The following DCTN4 variants were observed in gnomAD, a reference collection of about 807,000 sequenced individuals.
The protein encoded by DCTN4 is dynactin subunit 4.
In DCTN4, 23 loss-of-function variants were observed where a neutral mutation model predicts 62.7. The ratio of observed to expected loss-of-function variants is 0.37; its 90% CI spans 0.26 to 0.52. The LOEUF (loss-of-function observed/expected upper bound fraction) is 0.52, where lower values mean the gene tolerates loss of function less well. DCTN4 is among the 20% of genes least tolerant of loss of function. DCTN4 has a pLI of 0.92. For missense variants in DCTN4, 514 were observed against 580.4 expected (o/e 0.89, Z 1.18); for synonymous variants, 199 against 202.1 (o/e 0.98, Z 0.13).
intron 3 of DCTN4, 32 bp downstream of exon 3, chr5:150,753,447 C>T (rs761254007): frequency 6.2e-7 from 1 of 1,600,810 alleles, no homozygotes; most frequent in Admixed American, 1.7e-5. Flanking sequence ...GTCAATTGTA[C>T]AAAATTTCAT....
In DCTN4 at chr5:150,756,432, T is replaced by C; in HGVS notation, c.191A>G (p.Lys64Arg). The C allele has an allele frequency of 6.2e-7, 1 of 1,600,564 alleles. No individual in the cohort carries two copies. Residue 64 changes from lysine to arginine, a missense_variant, in exon 2 of 13, where the codon AAA (lysine) becomes AGA (arginine). Physicochemically the swap from Lys to Arg is conservative, Grantham distance 26. Coordinates refer to ENST00000447998, the MANE Select transcript of DCTN4 (RefSeq NM_016221.4). ...CLENMPSAEA[K>R]LKKNRCANCF... ...CAGGTCTTACCTATTCTTTTTTAGT[T>C]TGGCTTCAGCCGATGGCATATTTTC...
chr5:150,751,589 C>CTTA (rs761772684), intron 3 of DCTN4, among the ~76,000 whole-genome samples: 12 of 152,114 alleles, frequency 7.9e-5, no homozygotes, highest in Non-Finnish European at 1.3e-4. Context: ...CTTTCTTTAA[C>CTTA]TTATCTCCTA....
At chr5:150,714,702 G>A (rs986427474) in intron 12 of DCTN4, among the ~76,000 whole-genome samples, 1 of 152,114 alleles carries the variant, frequency 6.6e-6, no homozygotes, top group Non-Finnish European at 1.5e-5. Context: ...CCAGGAGGAA[G>A]TGGCAGTAAG....
chr5:150,721,011 G>A (rs1759939065), intron 9 of DCTN4, among the ~76,000 whole-genome samples: 1 of 152,080 alleles, frequency 6.6e-6, no homozygotes, highest in Non-Finnish European at 1.5e-5. Context: ...CATATTTTAT[G>A]GTGAGTTACA....
At chr5:150,747,511 G>A (rs1017286292) in intron 3 of DCTN4, among the ~76,000 whole-genome samples, 1 of 152,182 alleles carries the variant, frequency 6.6e-6, no homozygotes, top group Admixed American at 6.5e-5. Context: ...AACAAAGCTG[G>A]AGGCATCACA....
chr5:150,749,071 A>G (rs941265305), intron 3 of DCTN4, among the ~76,000 whole-genome samples: 2 of 152,172 alleles, frequency 1.3e-5, no homozygotes, highest in Admixed American at 1.3e-4. Flanking sequence ...ATAGGACACA[A>G]AAAACACAAA....
intron 3 of DCTN4, among the ~76,000 whole-genome samples, chr5:150,747,369 G>A (rs1752489911): frequency 1.3e-5 from 2 of 152,324 alleles, no homozygotes; most frequent in South Asian, 2.1e-4. Context: ...ACTGCCCAAG[G>A]TAATTGATAG....
chr5:150,741,975 T>C, intron 4 of DCTN4, 139 bp downstream of exon 4: 5 of 758,624 alleles, frequency 6.6e-6, no homozygotes, highest in South Asian at 1.5e-5. Flanking sequence ...TGTCTTACAA[T>C]GAGAAGCACT....
In DCTN4 at chr5:150,711,091, T is replaced by C; in HGVS notation, c.*58A>G. On this transcript the variant is annotated 3_prime_UTR_variant, in exon 13 of 13. Coordinates refer to ENST00000447998, the MANE Select transcript of DCTN4 (RefSeq NM_016221.4). ...GCCTAATGAAGCAGCAGCTTCCACA[T>C]TTTAACGCAGGTTTACGGTGATACT... The C allele has an allele frequency of 1.3e-6, 2 of 1,522,438 alleles. No individual in the cohort carries two copies. The highest frequency in any genetic ancestry group is 1.8e-6 in the Non-Finnish European group (2 of 1,101,704). The allele number at this position is 1,522,438 out of a possible 1,614,324, so 94.3% of individuals were successfully genotyped here. A position where few individuals can be genotyped will look rare whatever the true frequency, so the allele number is the denominator to read the frequency against.
At chr5:150,718,513 G>T in intron 10 of DCTN4, 130 bp from the exon 11 acceptor site, 1 of 632,158 alleles carries the variant, frequency 1.6e-6, no homozygotes, top group South Asian at 1.9e-5. Context: ...CTACATCACT[G>T]TATTCTCTAT....
In DCTN4 at chr5:150,709,287, A is replaced by G. The variant is rs1759478618; in HGVS notation, c.*1862T>C. 6.6e-6 allele frequency: 1 copy of G among 152,396 alleles called. No individual in the cohort carries two copies. Among genetic ancestry groups the G allele is most frequent in the Non-Finnish European group, 1.5e-5 (1 of 68,034 alleles). 9.4% of individuals were successfully genotyped at this position (152,396 alleles called of 1,614,324 possible). ...TGGGAATGATGAGACCCATACTTCA[A>G]CATTATTACTTTGGGGAATAAATAC... On this transcript the variant is annotated 3_prime_UTR_variant, in exon 13 of 13. Coordinates refer to ENST00000447998, the MANE Select transcript of DCTN4 (RefSeq NM_016221.4).
At chr5:150,712,985 A>G (rs1247223275) in intron 12 of DCTN4, among the ~76,000 whole-genome samples, 4 of 152,222 alleles carry the variant, frequency 2.6e-5, no homozygotes, top group African/African-American at 4.8e-5. Context: ...CTGAAATCTG[A>G]TATCTCAGAC....
Position 150,753,559 on chromosome 5 carries a change from G to A in DCTN4, c.305C>T (p.Thr102Ile), listed in dbSNP as rs149465775. ...TQLPDDPAKT[T>I]MKKAYYLACG... ...TGCCAGGTAATAGGCTTTCTTCATG[G>A]TGGTCTTGGCTGGGTCATCTGGAAG... Residue 102 changes from threonine to isoleucine, a missense_variant, in exon 3 of 13, where the codon ACC (threonine) becomes ATC (isoleucine). By Grantham distance (89) the Thr-to-Ile change is moderately conservative. Transcript: ENST00000447998. 5 of 1,614,054 alleles carry A rather than the reference G, an allele frequency of 3.1e-6. No homozygotes were observed. The highest frequency in any genetic ancestry group is 4.2e-6 in the Non-Finnish European group (5 of 1,180,044).
chr5:150,757,685 A>C (rs1438782767), intron 1 of DCTN4, among the ~76,000 whole-genome samples: 1 of 152,220 alleles, frequency 6.6e-6, no homozygotes, highest in African/African-American at 2.4e-5. Context: ...CATATTTTTA[A>C]TATATACGAT....
chr5:150,733,286 T>C, intron 5 of DCTN4, 82 bp downstream of exon 5: 1 of 963,950 alleles, frequency 1.0e-6, no homozygotes, highest in Non-Finnish European at 1.6e-6. Context: ...TTCAGGAATC[T>C]AGGACAATGG....
In DCTN4 at chr5:150,731,424, G is replaced by T; in HGVS notation, c.603C>A (p.Ala201=). The T allele has an allele frequency of 1.2e-6, 2 of 1,613,650 alleles. No individual in the cohort carries two copies. The highest frequency in any genetic ancestry group is 1.7e-6 in the Non-Finnish European group (2 of 1,179,866). ...TTCATGTCTAAACTTACGAAAGTCC[G>T]GCAAGGGTACTGATGGATGCACCAG... is the stretch of plus-strand genomic sequence containing the variant. ...PRAGASISTL[A]GLSLKEGEDQ... The change falls in exon 6 of 13, where the codon GCC becomes GCA. Residue 201 remains alanine, a synonymous_variant. Coordinates refer to ENST00000447998, the MANE Select transcript of DCTN4 (RefSeq NM_016221.4).
chr5:150,752,845 T>C (rs1017470405), intron 3 of DCTN4, among the ~76,000 whole-genome samples: 3 of 152,144 alleles, frequency 2.0e-5, no homozygotes, highest in Admixed American at 6.5e-5. Flanking sequence ...CTATTTTTCT[T>C]AGTTTGTCAT....
chr5:150,730,357 T>C (rs919458714), intron 8 of DCTN4, among the ~76,000 whole-genome samples: 3 of 152,202 alleles, frequency 2.0e-5, no homozygotes, highest in African/African-American at 7.2e-5. Context: ...ACTCTTTCAC[T>C]ATTCTTTTAG....
At chr5:150,742,225 T>C in intron 3 of DCTN4, 68 bp from the exon 4 acceptor site, 1 of 1,480,968 alleles carries the variant, frequency 6.8e-7, no homozygotes, top group Non-Finnish European at 9.4e-7. Context: ...AAAACAAGTC[T>C]TCTGTAGGCC....
Sources: allele counts gnomAD v4.1 joint callset (sites outside exome capture counted in the v4.1 genomes callset), GRCh38; gene constraint gnomAD v4.1.1; transcripts MANE v1.5; gene names NCBI Gene and HGNC (gene_info 2026-07-23, HGNC 2026-07-21).